ICA1L: variants seen among roughly 807,000 people sequenced by gnomAD.
ICA1L encodes the protein islet cell autoantigen 1 like.
A neutral mutation model predicts 61.3 loss-of-function variants in ICA1L; 50 were observed. The observed-to-expected ratio is 0.82, with a 90% confidence interval of 0.65 to 1.03. The LOEUF (loss-of-function observed/expected upper bound fraction) is 1.03, where lower values mean the gene tolerates loss of function less well. ICA1L is among the 50% of genes least tolerant of loss of function. The pLI, the probability that ICA1L is intolerant of heterozygous loss-of-function variation, is 0.00. For synonymous variants in ICA1L, 161 were observed against 191.3 expected (o/e 0.84, Z 1.31); for missense variants, 508 against 556.7 (o/e 0.91, Z 0.88).
At position 202,777,962 on chromosome 2, in the gene ICA1L, G is replaced by C. The variant is rs111677686; in HGVS notation, c.*1571C>G. The stretch of plus-strand genomic sequence containing the variant: ...GTGGCGCCATCTCAGCTCACTGCAA[G>C]CTCCGCCTCCCGGGTTCACGCCATT... On this transcript the variant is annotated 3_prime_UTR_variant, in exon 13 of 13. Coordinates refer to ENST00000358299, the MANE Select transcript of ICA1L (RefSeq NM_001288622.3). 0.16 allele frequency: 23,216 copies of C among 145,704 alleles called. 2,357 individuals are homozygous for C. Among genetic ancestry groups the C allele is most frequent in the East Asian group, 0.53 (2,625 of 4,952 alleles). The allele number at this position is 145,704 out of a possible 1,614,324, so 9.0% of individuals were successfully genotyped here. A position where few individuals can be genotyped will look rare whatever the true frequency, so the allele number is the denominator to read the frequency against.
At chr2:202,784,384 G>A (rs991594215) in intron 12 of ICA1L, among the ~76,000 whole-genome samples, 2 of 152,178 alleles carry the variant, frequency 1.3e-5, no homozygotes, top group Non-Finnish European at 2.9e-5. Context: ...GGCGGAGGTT[G>A]CAGTGAGCCA....
intron 1 of ICA1L, among the ~76,000 whole-genome samples, chr2:202,866,171 A>C (rs1395079731): frequency 6.6e-6 from 1 of 152,160 alleles, no homozygotes; most frequent in African/African-American, 2.4e-5. Flanking sequence ...GTGATCCCTA[A>C]TATTGGAGGT....
chr2:202,814,921 T>C, intron 7 of ICA1L, 137 bp from the exon 8 acceptor site: 2 of 638,198 alleles, frequency 3.1e-6, no homozygotes, highest in East Asian at 2.7e-5. Context: ...ATATAGGACA[T>C]GTATGCTAAT....
Position 202,778,474 on chromosome 2 carries a change from G to C in ICA1L, c.*1059C>G, listed in dbSNP as rs1692293566. 6.6e-6 allele frequency: 1 copy of C among 152,124 alleles called. No homozygotes were observed. The highest frequency in any genetic ancestry group is 1.5e-5 in the Non-Finnish European group (1 of 68,012). 9.4% of individuals were successfully genotyped at this position (152,124 alleles called of 1,614,324 possible). A position where few individuals can be genotyped will look rare whatever the true frequency, so the allele number is the denominator to read the frequency against. On this transcript the variant is annotated 3_prime_UTR_variant, in exon 13 of 13. Coordinates refer to ENST00000358299, the MANE Select transcript of ICA1L (RefSeq NM_001288622.3). ...CAGAAAGAGGGAAGTAGAAAAATGA[G>C]ACACTCCCTTATTGATCACACAGAG...
chr2:202,796,880 T>A lies in ICA1L; in HGVS notation c.985+10A>T. On this transcript the variant is annotated intron_variant, in intron 10 of 12. Coordinates refer to ENST00000358299, the MANE Select transcript of ICA1L (RefSeq NM_001288622.3). ...AGAATCATTCATATGTAGAGTGAAATGATTCTTACCATTTTCAGAGTTAGA... is the reference window on the plus strand; with the variant it reads ...AGAATCATTCATATGTAGAGTGAAAAGATTCTTACCATTTTCAGAGTTAGA... 2 of 1,496,822 alleles carry A rather than the reference T, an allele frequency of 1.3e-6. No individual in the cohort carries two copies. 92.7% of individuals were successfully genotyped at this position (1,496,822 alleles called of 1,614,324 possible). A position where few individuals can be genotyped will look rare whatever the true frequency, so the allele number is the denominator to read the frequency against.
intron 5 of ICA1L, among the ~76,000 whole-genome samples, chr2:202,818,688 C>G (rs541475915): frequency 6.6e-6 from 1 of 152,148 alleles, no homozygotes; most frequent in Admixed American, 6.5e-5. Flanking sequence ...TTTCCCTACA[C>G]AAGCTCTTTT....
At position 202,811,891 on chromosome 2, in the gene ICA1L, G is replaced by A. The variant is rs568312104; in HGVS notation, c.867-102C>T. ...ATGGTTAAAAAAATTTTCTACTCAG[G>A]AAACATAAAATCATTGTCCACTAGA... On this transcript the variant is annotated intron_variant, in intron 8 of 12. Transcript: ENST00000358299. The A allele has an allele frequency of 1.6e-5, 13 of 815,442 alleles. No individual in the cohort carries two copies. In the South Asian group the frequency reaches 2.0e-4, roughly 12 times the overall value. 50.5% of individuals were successfully genotyped at this position (815,442 alleles called of 1,614,324 possible).
intron 12 of ICA1L, among the ~76,000 whole-genome samples, chr2:202,781,778 T>G (rs1473254170): frequency 6.6e-6 from 1 of 152,114 alleles, no homozygotes; most frequent in Admixed American, 6.5e-5. Context: ...GGTATGTACT[T>G]AGGAGTGGAA....
chr2:202,840,073 A>AT (rs532184078), intron 1 of ICA1L, among the ~76,000 whole-genome samples: 25,514 of 95,094 alleles, frequency 0.27, 3,590 homozygotes, highest in East Asian at 0.54. Flanking sequence ...TTAATTTTTA[A>AT]TTTTTTTTTT....
chr2:202,834,874 G>T (rs992384289), intron 1 of ICA1L, among the ~76,000 whole-genome samples: 2 of 151,220 alleles, frequency 1.3e-5, no homozygotes, highest in African/African-American at 2.4e-5. Flanking sequence ...TCTGTTGCCT[G>T]GGTTAGAGTA....
chr2:202,849,189 C>A lies in ICA1L; in HGVS notation c.-7-20173G>T, dbSNP rs952149032. ...GGGCCCTGGGTTTCAAGCACAAAAC[C>A]GGGTGGCTGTTTGGGCAGACACCGA... On this transcript the variant is annotated intron_variant, in intron 1 of 12. Coordinates refer to ENST00000358299, the MANE Select transcript of ICA1L (RefSeq NM_001288622.3). The surrounding 1 kb of genome is among the most constrained non-coding windows in gnomAD (Gnocchi z 4.5). Among the ~76,000 whole-genome samples, 5 of 152,166 alleles carry A rather than the reference C, an allele frequency of 3.3e-5. No homozygotes were observed. The highest frequency in any genetic ancestry group is 1.2e-4 in the African/African-American group (5 of 41,438).
chr2:202,868,969 AAACAACAAC>A (rs371799768), intron 1 of ICA1L, among the ~76,000 whole-genome samples: 17 of 151,792 alleles, frequency 1.1e-4, no homozygotes, highest in East Asian at 3.9e-4. Flanking sequence ...CTCTGTCTCA[AAACAACAAC>A]AACAACAACA....
At chr2:202,847,072 C>A (rs768184510) in intron 1 of ICA1L, among the ~76,000 whole-genome samples, 45 of 152,122 alleles carry the variant, frequency 3.0e-4, no homozygotes, top group Non-Finnish European at 2.9e-5. Context: ...ATTCCAAATA[C>A]AGGCTGAAGA....
At chr2:202,809,290 A>G (rs565552515) in intron 9 of ICA1L, among the ~76,000 whole-genome samples, 1 of 151,976 alleles carries the variant, frequency 6.6e-6, no homozygotes, top group South Asian at 2.1e-4. Context: ...AGTATTGATC[A>G]AGCAGAAGAA....
rs991574060 is a variant in ICA1L at position 202,774,367 on chromosome 2, C to T, written c.*5166G>A. The T allele has an allele frequency of 3.0e-6, 4 of 1,328,196 alleles. No homozygotes were observed. Among genetic ancestry groups the T allele is most frequent in the Non-Finnish European group, 3.8e-6 (4 of 1,040,274 alleles). The allele number at this position is 1,328,196 out of a possible 1,614,324, so 82.3% of individuals were successfully genotyped here. A position where few individuals can be genotyped will look rare whatever the true frequency, so the allele number is the denominator to read the frequency against. On this transcript the variant is annotated 3_prime_UTR_variant, in exon 13 of 13. Transcript: ENST00000358299. ...TGCCGCGCGCTCCGCTCAGCGTGGT[C>T]TGGCAGCCGGAGACCAGGCCTCACT...
chr2:202,864,634 T>TGTGTGTGTGTGTGTGC (rs1687431185), intron 1 of ICA1L, among the ~76,000 whole-genome samples: 2 of 152,138 alleles, frequency 1.3e-5, no homozygotes, highest in Middle Eastern at 6.8e-3. Context: ...TATATGTGTG[T>TGTGTGTGTGTGTGTGC]GTGTGTGTGT....
chr2:202,850,578 A>C (rs1176511720), intron 1 of ICA1L, among the ~76,000 whole-genome samples: 1 of 152,230 alleles, frequency 6.6e-6, no homozygotes, highest in Non-Finnish European at 1.5e-5. Flanking sequence ...GCATGAAGAC[A>C]AAATTAGAGA....
chr2:202,869,983 C>A (rs1310616963), intron 1 of ICA1L, among the ~76,000 whole-genome samples: 1 of 152,068 alleles, frequency 6.6e-6, no homozygotes, highest in Non-Finnish European at 1.5e-5. Context: ...ACGAGGAAAT[C>A]TTTCCAGTTA....
chr2:202,782,161 C>T (rs962377925), intron 12 of ICA1L, among the ~76,000 whole-genome samples: 3 of 151,998 alleles, frequency 2.0e-5, no homozygotes, highest in Non-Finnish European at 4.4e-5. Context: ...GCCTGGACAA[C>T]ATGGTGAAAA....
Sources: allele counts gnomAD v4.1 joint callset (sites outside exome capture counted in the v4.1 genomes callset), GRCh38; gene constraint gnomAD v4.1.1; non-coding constraint Gnocchi (gnomAD v3.1); transcripts MANE v1.5; gene names NCBI Gene and HGNC (gene_info 2026-07-23, HGNC 2026-07-21).